Variants in VRK1 observed in about 807,000 individuals in gnomAD.
VRK1 encodes VRK serine/threonine kinase 1.
VRK1 carries 33 observed loss-of-function variants against 57.1 expected under a neutral mutation model. That is an observed-to-expected ratio of 0.58 (90% confidence interval 0.44 to 0.77). The LOEUF (loss-of-function observed/expected upper bound fraction) is 0.77, where lower values mean the gene tolerates loss of function less well. VRK1 is among the 30% of genes least tolerant of loss of function. VRK1 has a pLI of 0.00. For missense variants in VRK1, 413 were observed against 477.3 expected (o/e 0.87, Z 1.25); for synonymous variants, 137 against 147.8 (o/e 0.93, Z 0.53).
chr14:96,865,237 C>A (rs535306591), intron 11 of VRK1, among the ~76,000 whole-genome samples: 1 of 152,154 alleles, frequency 6.6e-6, no homozygotes, highest in African/African-American at 2.4e-5. Context: ...TGATTTTGTG[C>A]ATGGTGTGAG....
At chr14:96,809,576 T>C (rs1229887468) in intron 1 of VRK1, among the ~76,000 whole-genome samples, 1 of 150,936 alleles carries the variant, frequency 6.6e-6, no homozygotes, top group African/African-American at 2.4e-5. Flanking sequence ...CTTTCTTTTT[T>C]TTTTTTTTTT....
intron 9 of VRK1, 42 bp from the exon 10 acceptor site, chr14:96,856,486 A>C: frequency 6.5e-7 from 1 of 1,528,812 alleles, no homozygotes; most frequent in African/African-American, 1.4e-5. Flanking sequence ...ATATTAACAT[A>C]TGACATCAAG....
chr14:96,856,529 T>C lies in VRK1; in HGVS notation c.832T>C (p.Tyr278His). The part of the protein sequence containing the change: ...PKYVRDSKIR[Y>H]RENIASLMDK... The stretch of plus-strand genomic sequence containing the variant: ...GACTCATTCTTTAATTTTTAACAGA[T>C]ACAGAGAAAATATTGCAAGTTTGAT... Residue 278 changes from tyrosine to histidine, a missense_variant and splice_region_variant, in exon 10 of 13, where the codon TAC (tyrosine) becomes CAC (histidine). Transcript: ENST00000216639. 6.2e-7 allele frequency: 1 copy of C among 1,612,598 alleles called. No homozygotes were observed. Among genetic ancestry groups the C allele is most frequent in the Non-Finnish European group, 8.5e-7 (1 of 1,178,710 alleles).
At chr14:96,856,100 C>T in intron 8 of VRK1, 30 bp from the exon 9 acceptor site, 2 of 1,610,658 alleles carry the variant, frequency 1.2e-6, no homozygotes, top group Non-Finnish European at 1.7e-6. Context: ...TTATTTCAGT[C>T]TACCTAATGT....
At chr14:96,880,314 G>GT (rs1022026072) in intron 12 of VRK1, among the ~76,000 whole-genome samples, 4 of 151,948 alleles carry the variant, frequency 2.6e-5, no homozygotes, top group East Asian at 1.9e-4. Flanking sequence ...TTGATCTTTT[G>GT]TTTTTTTTCG....
intron 11 of VRK1, among the ~76,000 whole-genome samples, chr14:96,871,215 A>G (rs188465465): frequency 3.2e-4 from 49 of 152,316 alleles, no homozygotes; most frequent in Admixed American, 1.8e-3. Flanking sequence ...TGTGTGCCAT[A>G]TATTTAATCA....
At chr14:96,880,264 C>G (rs1204999363) in intron 12 of VRK1, among the ~76,000 whole-genome samples, 7 of 152,168 alleles carry the variant, frequency 4.6e-5, no homozygotes, top group Non-Finnish European at 7.3e-5. Flanking sequence ...AATTTTGTTC[C>G]ACATTCAAAG....
intron 1 of VRK1, among the ~76,000 whole-genome samples, chr14:96,805,477 A>G (rs76801838): frequency 0.01 from 1,565 of 152,256 alleles, 28 homozygotes; most frequent in African/African-American, 0.036. Flanking sequence ...TGCCTACTTC[A>G]GTTGTTAGTT....
At chr14:96,870,554 C>T (rs75034628) in intron 11 of VRK1, among the ~76,000 whole-genome samples, 12,761 of 152,188 alleles carry the variant, frequency 0.084, 699 homozygotes, top group Non-Finnish European at 0.13. Flanking sequence ...AAACAGCTTT[C>T]GTCTTGTTAA....
At chr14:96,872,479 A>G (rs78296244) in intron 11 of VRK1, among the ~76,000 whole-genome samples, 1,591 of 152,350 alleles carry the variant, frequency 0.01, 22 homozygotes, top group African/African-American at 0.031. Flanking sequence ...AAAATAGTTT[A>G]CATGAAATAC....
intron 3 of VRK1, among the ~76,000 whole-genome samples, chr14:96,840,917 G>A (rs1209212158): frequency 6.6e-6 from 1 of 150,472 alleles, no homozygotes; most frequent in East Asian, 1.9e-4. Context: ...GTGCATTGGT[G>A]CAATTATAGC....
At chr14:96,837,660 C>T (rs1887273631) in intron 2 of VRK1, 102 bp from the exon 3 acceptor site, 2 of 600,002 alleles carry the variant, frequency 3.3e-6, no homozygotes, top group Non-Finnish European at 5.2e-6. Flanking sequence ...TACTTGGGAA[C>T]TGAAGTGTAT....
At chr14:96,848,182 TGTTA>T (rs1887789639) in intron 5 of VRK1, among the ~76,000 whole-genome samples, 1 of 152,168 alleles carries the variant, frequency 6.6e-6, no homozygotes, top group Non-Finnish European at 1.5e-5. Flanking sequence ...TTTTGTTCTC[TGTTA>T]GTTCTCCATT....
intron 2 of VRK1, 84 bp downstream of exon 2, chr14:96,833,715 T>C (rs1034540601): frequency 4.4e-6 from 7 of 1,589,878 alleles, no homozygotes; most frequent in South Asian, 3.3e-5. Flanking sequence ...TGAGCTGTTA[T>C]GGGATGTTCC....
chr14:96,842,780 T>A (rs1242725062), intron 3 of VRK1, among the ~76,000 whole-genome samples: 1 of 152,194 alleles, frequency 6.6e-6, no homozygotes, highest in African/African-American at 2.4e-5. Flanking sequence ...CTTTTGTGCA[T>A]CAAGATTGAG....
chr14:96,821,351 T>C (rs538441644), intron 1 of VRK1, among the ~76,000 whole-genome samples: 1 of 152,138 alleles, frequency 6.6e-6, no homozygotes, highest in Non-Finnish European at 1.5e-5. Flanking sequence ...TTAGCATGCT[T>C]CCTAGACCAT....
intron 11 of VRK1, among the ~76,000 whole-genome samples, chr14:96,869,475 A>G (rs545044928): frequency 6.6e-6 from 1 of 152,336 alleles, no homozygotes; most frequent in South Asian, 2.1e-4. Flanking sequence ...ATGTGTGTTA[A>G]AATAGGTTGT....
rs190760386 is a variant in VRK1 at position 96,838,326 on chromosome 14, A to C, written c.216+509A>C. The stretch of plus-strand genomic sequence containing the variant: ...GTTGAAATTAGTTTGTAATGAGTAA[A>C]GATTGGCAACATCCTATCTGACATA... On this transcript the variant is annotated intron_variant, in intron 3 of 12. Transcript: ENST00000216639. 3.0e-3 allele frequency among the ~76,000 whole-genome samples: 464 copies of C among 152,222 alleles called. 4 individuals are homozygous for C. The highest frequency in any genetic ancestry group is 4.8e-3 in the Non-Finnish European group (324 of 67,998).
At chr14:96,823,619 A>T (rs1886687763) in intron 1 of VRK1, among the ~76,000 whole-genome samples, 1 of 152,176 alleles carries the variant, frequency 6.6e-6, no homozygotes, top group South Asian at 2.1e-4. Flanking sequence ...TTTCTTTTTT[A>T]AAAAATTGTG....
Sources: gnomAD v4.1 joint callset for allele counts (sites outside exome capture counted in the v4.1 genomes callset) on GRCh38, gnomAD v4.1.1 for gene constraint, MANE v1.5 for transcripts, NCBI Gene and HGNC (gene_info 2026-07-23, HGNC 2026-07-21) for gene names.